Variants in CD163L1 observed in about 807,000 individuals in gnomAD.
CD163L1 encodes scavenger receptor cysteine-rich type 1 protein M160.
CD163L1 carries 124 observed loss-of-function variants against 165.4 expected under a neutral mutation model. That is an observed-to-expected ratio of 0.75 (90% CI 0.65 to 0.87). The LOEUF is 0.87. CD163L1 is among the 40% of genes least tolerant of loss of function. The pLI is 0.00. For synonymous variants in CD163L1, 585 were observed against 662.2 expected (o/e 0.88, Z 1.79); for missense variants, 1,525 against 1,799.9 (o/e 0.85, Z 2.76).
At chr12:7,421,041 A>ATATATATACATATATATATATATACGTG (rs1217962587) in intron 4 of CD163L1, among the ~76,000 whole-genome samples, 11 of 108,620 alleles carry the variant, frequency 1.0e-4, no homozygotes, top group African/African-American at 4.2e-4. Flanking sequence ...ATATACGTGT[A>ATATATATACATATATATATATATACGTG]TATATATGTA....
Position 7,374,661 on chromosome 12 carries a change from C to A in CD163L1, c.3190G>T (p.Gly1064Cys), listed in dbSNP as rs763620533. Residue 1064 changes from glycine (G) to cysteine (C), a missense_variant, in exon 13 of 20, where the codon GGC becomes TGC. Coordinates refer to ENST00000313599, the MANE Select transcript of CD163L1 (RefSeq NM_174941.6). The surrounding 1 kb of genome is among the most constrained non-coding windows in gnomAD (Gnocchi z 5.4). ...ACGTGGGCATCGCTCAGGTCCCAGCCGTCATCACAGATGGTGCCCCAGAAG... is the reference window on the plus strand; with the variant it reads ...ACGTGGGCATCGCTCAGGTCCCAGCAGTCATCACAGATGGTGCCCCAGAAG... ...DGFWGTICDD[G>C]WDLSDAHVVC... is the part of the protein sequence containing the mutation. The A allele has an allele frequency of 6.2e-7, 1 of 1,614,122 alleles. No homozygotes were observed. The highest frequency in any genetic ancestry group is 1.3e-5 in the African/African-American group (1 of 74,940).
intron 8 of CD163L1, among the ~76,000 whole-genome samples, chr12:7,379,808 A>G (rs1204743108): frequency 6.6e-6 from 1 of 152,088 alleles, no homozygotes; most frequent in East Asian, 1.9e-4. Flanking sequence ...CTAAAAAGAA[A>G]TTGGAGCTCG....
intron 9 of CD163L1, among the ~76,000 whole-genome samples, chr12:7,377,273 G>C (rs1344949260): frequency 6.6e-6 from 1 of 152,124 alleles, no homozygotes; most frequent in Non-Finnish European, 1.5e-5. Flanking sequence ...GCCTACCCCA[G>C]TCATTTTATT....
In CD163L1 at chr12:7,368,006, C is replaced by T; in HGVS notation, c.4183+81G>A. ...ACTCAAAGTGGCAAGTGCATTTCTTCCATTCTGCAAGAATCCCCCATCCTG... is the reference window on the plus strand; with the variant it reads ...ACTCAAAGTGGCAAGTGCATTTCTTTCATTCTGCAAGAATCCCCCATCCTG... On this transcript the variant is annotated intron_variant, in intron 17 of 19. Transcript: ENST00000313599. The surrounding 1 kb of genome is among the most constrained non-coding windows in gnomAD (Gnocchi z 4.3). 1 of 814,362 alleles carries T rather than the reference C, an allele frequency of 1.2e-6. No individual in the cohort carries two copies. Among genetic ancestry groups the T allele is most frequent in the South Asian group, 1.5e-5 (1 of 67,872 alleles). 50.4% of individuals were successfully genotyped at this position (814,362 alleles called of 1,614,324 possible).
At chr12:7,357,923 C>T (rs939775661) in intron 18 of CD163L1, among the ~76,000 whole-genome samples, 15 of 152,052 alleles carry the variant, frequency 9.9e-5, no homozygotes, top group African/African-American at 3.1e-4. Context: ...ATGTAGATAA[C>T]TAAATTTCAA....
downstream of CD163L1, among the ~76,000 whole-genome samples, chr12:7,351,523 G>C (rs1434041263): frequency 6.6e-6 from 1 of 152,012 alleles, no homozygotes; most frequent in Non-Finnish European, 1.5e-5. Context: ...GTCAGATTAG[G>C]GATTCCCACC....
intron 5 of CD163L1, 89 bp downstream of exon 5, chr12:7,406,443 C>T: frequency 8.1e-7 from 1 of 1,235,240 alleles, no homozygotes; most frequent in Non-Finnish European, 1.1e-6. Flanking sequence ...TCTTACACAT[C>T]ACAATTGGTT....
chr12:7,356,128 C>T (rs191481434), intron 19 of CD163L1, among the ~76,000 whole-genome samples: 19 of 152,168 alleles, frequency 1.2e-4, no homozygotes, highest in African/African-American at 4.6e-4. Context: ...TAGAATAATA[C>T]AGACTCAATC....
At chr12:7,429,387 T>C (rs990108844) in intron 4 of CD163L1, among the ~76,000 whole-genome samples, 6 of 152,070 alleles carry the variant, frequency 3.9e-5, no homozygotes, top group African/African-American at 1.4e-4. Context: ...CAAGATTTTA[T>C]CAATTGCAAA....
intron 6 of CD163L1, among the ~76,000 whole-genome samples, chr12:7,402,870 T>C (rs1947941558): frequency 6.6e-6 from 1 of 152,154 alleles, no homozygotes; most frequent in Admixed American, 6.5e-5. Context: ...TGGCCTCAAG[T>C]GATCTTCCTG....
chr12:7,365,742 T>C lies in CD163L1; in HGVS notation c.4279+1494A>G, dbSNP rs76393815. The stretch of plus-strand genomic sequence containing the variant: ...CATACCTCAGGCAGAATGGCTTTTA[T>C]CAAAAAGACAGGAAATAATGGATGC... On this transcript the variant is annotated intron_variant, in intron 18 of 19. Coordinates refer to ENST00000313599, the MANE Select transcript of CD163L1 (RefSeq NM_174941.6). Among the ~76,000 whole-genome samples the C allele has an allele frequency of 1.5e-3, 222 of 152,120 alleles. 1 individual carries two copies. The highest frequency in any genetic ancestry group is 4.9e-3 in the African/African-American group (205 of 41,522).
At position 7,400,589 on chromosome 12, in the gene CD163L1, C is replaced by G. The variant is rs772758504; in HGVS notation, c.1409-2005G>C. On this transcript the variant is annotated intron_variant, in intron 6 of 19. Transcript: ENST00000313599. This position sits in a 1 kb window ranked among gnomAD's most constrained non-coding sequence, Gnocchi z 4.1. The stretch of plus-strand genomic sequence containing the variant: ...TGGCTATTTACAGGTGCAATCATAG[C>G]ACCTTACAGTCTCTATCTCCTGGGC... Among the ~76,000 whole-genome samples, 1 of 152,108 alleles carries G rather than the reference C, an allele frequency of 6.6e-6. No individual in the cohort carries two copies. The highest frequency in any genetic ancestry group is 6.6e-5 in the Admixed American group (1 of 15,246).
At position 7,366,797 on chromosome 12, in the gene CD163L1, T is replaced by C. The variant is rs866011058; in HGVS notation, c.4279+439A>G. On this transcript the variant is annotated intron_variant, in intron 18 of 19. Transcript: ENST00000313599. ...TATGCACTGTTTTGTCCACACTGTA[T>C]ATCATAATAAAATTATTTTAAAAAT... 3.9e-4 allele frequency among the ~76,000 whole-genome samples: 59 copies of C among 152,240 alleles called. No homozygotes were observed. The Middle Eastern group carries it at 0.02, about 53-fold the overall frequency.
intron 18 of CD163L1, 21 bp from the exon 19 acceptor site, chr12:7,357,507 G>T: frequency 6.2e-7 from 1 of 1,606,576 alleles, no homozygotes; most frequent in Non-Finnish European, 8.5e-7. Flanking sequence ...GGCAAAATCT[G>T]TATTATTGAA....
intron 4 of CD163L1, among the ~76,000 whole-genome samples, chr12:7,413,589 C>T (rs1005429739): frequency 6.6e-6 from 1 of 152,204 alleles, no homozygotes; most frequent in Non-Finnish European, 1.5e-5. Context: ...GGCAGTGCCC[C>T]ACATTTCCCC....
chr12:7,429,877 C>A (rs182277875), intron 4 of CD163L1, among the ~76,000 whole-genome samples: 376 of 152,192 alleles, frequency 2.5e-3, no homozygotes, highest in African/African-American at 8.7e-3. Context: ...TCAAAGAATA[C>A]CCTTGCCTAT....
chr12:7,386,665 T>C (rs1947526701), intron 8 of CD163L1, among the ~76,000 whole-genome samples: 2 of 148,492 alleles, frequency 1.3e-5, no homozygotes, highest in Non-Finnish European at 3.0e-5. Flanking sequence ...CAAGGATGAT[T>C]GAACATATGC....
chr12:7,390,353 T>C (rs1026794494), intron 8 of CD163L1, among the ~76,000 whole-genome samples: 4 of 152,076 alleles, frequency 2.6e-5, no homozygotes, highest in Non-Finnish European at 4.4e-5. Context: ...AAGAGAAGAT[T>C]TGAAATGTTA....
downstream of CD163L1, among the ~76,000 whole-genome samples, chr12:7,342,019 T>C (rs1312539060): frequency 1.3e-5 from 2 of 152,248 alleles, no homozygotes; most frequent in Non-Finnish European, 2.9e-5. Context: ...CAGCAAACTC[T>C]GAATCCCAGG....
Sources: allele counts gnomAD v4.1 joint callset (sites outside exome capture counted in the v4.1 genomes callset), GRCh38; gene constraint gnomAD v4.1.1; non-coding constraint Gnocchi (gnomAD v3.1); transcripts MANE v1.5; gene names NCBI Gene and HGNC (gene_info 2026-07-23, HGNC 2026-07-21).